Variants in CLCA2 observed in about 807,000 individuals in gnomAD.
The protein encoded by CLCA2 is calcium-activated chloride channel regulator 2.
CLCA2 carries 85 observed loss-of-function variants against 82.9 expected under a neutral mutation model. The ratio of observed to expected loss-of-function variants is 1.03; its 90% CI spans 0.86 to 1.23. The LOEUF (loss-of-function observed/expected upper bound fraction) is 1.23, where lower values mean the gene tolerates loss of function less well. CLCA2 is among the 50% of genes most tolerant of loss of function. CLCA2 has a pLI of 0.00. For missense variants in CLCA2, 1,089 were observed against 1,124.8 expected, an observed-to-expected ratio of 0.97 and a Z score of 0.45; for synonymous variants, 421 against 391.7, an observed-to-expected ratio of 1.07 and a Z score of -0.88.
At position 86,426,687 on chromosome 1, in the gene CLCA2, G is replaced by T. The variant is rs1334142; in HGVS notation, c.324+1211G>T. The stretch of plus-strand genomic sequence containing the variant: ...AATTAAAACACTGGGGCTTGAATAA[G>T]GTATGGACTTTGTCCCAAATCTAAC... On this transcript the variant is annotated intron_variant, in intron 2 of 13. Coordinates refer to ENST00000370565, the MANE Select transcript of CLCA2 (RefSeq NM_006536.7). Among the ~76,000 whole-genome samples, 1,140 of 152,252 alleles carry T rather than the reference G, an allele frequency of 7.5e-3. 11 individuals carry two copies. The highest frequency in any genetic ancestry group is 0.026 in the African/African-American group (1,092 of 41,540).
chr1:86,453,584 G>A lies in CLCA2; in HGVS notation c.2371G>A (p.Asp791Asn). ...CCTATCTTGGACAGCACCTGGAGAA[G>A]ACTTTGATCAGGGCCAGGGTAGGTT... ...LTLSWTAPGE[D>N]FDQGQATSYE... Residue 791 changes from aspartate to asparagine, a missense_variant, in exon 13 of 14, where the codon GAC (aspartate) becomes AAC (asparagine). By Grantham distance (23) the Asp-to-Asn change is conservative. Transcript: ENST00000370565. The A allele has an allele frequency of 6.2e-7, 1 of 1,613,998 alleles. No individual in the cohort carries two copies. The highest frequency in any genetic ancestry group is 8.5e-7 in the Non-Finnish European group (1 of 1,179,974).
intron 11 of CLCA2, 148 bp downstream of exon 11, chr1:86,447,926 T>C: frequency 2.5e-6 from 2 of 794,362 alleles, no homozygotes; most frequent in South Asian, 3.8e-5. Flanking sequence ...ATAGAGTCAC[T>C]GATATACTGA....
Position 86,447,531 on chromosome 1 carries a change from G to C in CLCA2, c.1737G>C (p.Leu579=), listed in dbSNP as rs757460239. The C allele has an allele frequency of 1.2e-6, 2 of 1,613,960 alleles. No homozygotes were observed. Among genetic ancestry groups the C allele is most frequent in the Admixed American group, 3.3e-5 (2 of 59,990 alleles). The change falls in exon 11 of 14, where the codon CTG becomes CTC. Residue 579 remains leucine (L), a synonymous_variant. Transcript: ENST00000370565. ...TAKPGHWTYT[L]NNTHHSLQAL... is the part of the protein sequence containing the mutation. ...AGCCTGGGCACTGGACTTACACCCT[G>C]AACAATACCCATCATTCTCTGCAAG...
At chr1:86,429,001 AAAACGTTG>A (rs1558101565) in intron 3 of CLCA2, among the ~76,000 whole-genome samples, 1 of 152,144 alleles carries the variant, frequency 6.6e-6, no homozygotes, top group African/African-American at 2.4e-5. Context: ...GCAGTGGGAG[AAAACGTTG>A]AAACATACAT....
At chr1:86,439,524 G>A (rs1017567680) in intron 7 of CLCA2, among the ~76,000 whole-genome samples, 4 of 152,048 alleles carry the variant, frequency 2.6e-5, no homozygotes, top group Non-Finnish European at 4.4e-5. Flanking sequence ...ACCAATTAAG[G>A]CAACACATCA....
intron 3 of CLCA2, among the ~76,000 whole-genome samples, chr1:86,429,629 G>C (rs559422992): frequency 6.6e-6 from 1 of 152,152 alleles, no homozygotes; most frequent in Non-Finnish European, 1.5e-5. Flanking sequence ...AGATCTGAGG[G>C]AGAAAATAGT....
chr1:86,455,577 G>T lies in CLCA2; in HGVS notation c.*50G>T. ...CTTAGATATAAGACCCATGGCCTTC[G>T]ACTACAAAAACATACTAACAAAGTC... On this transcript the variant is annotated 3_prime_UTR_variant, in exon 14 of 14. Coordinates refer to ENST00000370565, the MANE Select transcript of CLCA2 (RefSeq NM_006536.7). The T allele has an allele frequency of 1.6e-6, 2 of 1,229,196 alleles. No homozygotes were observed. The highest frequency in any genetic ancestry group is 2.3e-5 in the South Asian group (1 of 43,784). The allele number at this position is 1,229,196 out of a possible 1,614,324, so 76.1% of individuals were successfully genotyped here.
At chr1:86,444,066 C>T in intron 10 of CLCA2, 55 bp downstream of exon 10, 1 of 1,143,498 alleles carries the variant, frequency 8.7e-7, no homozygotes. Flanking sequence ...TTATGATTTT[C>T]AGCTGAATCA....
At chr1:86,454,888 C>CAA (rs71078660) in intron 13 of CLCA2, among the ~76,000 whole-genome samples, 197 bp from the exon 14 acceptor site, 2,709 of 141,924 alleles carry the variant, frequency 0.019, 89 homozygotes, top group African/African-American at 0.066. Context: ...TCTTGCTTTT[C>CAA]AAAAAAAAAA....
chr1:86,452,989 A>G (rs1438703951), intron 12 of CLCA2, among the ~76,000 whole-genome samples: 1 of 152,144 alleles, frequency 6.6e-6, no homozygotes, highest in Non-Finnish European at 1.5e-5. Flanking sequence ...CCTAGCCAAC[A>G]TGGTGAAACC....
Position 86,443,536 on chromosome 1 carries a change from T to C in CLCA2, c.1489-251T>C, listed in dbSNP as rs553975696. The stretch of plus-strand genomic sequence containing the variant: ...AGAGATAATATGAGGACAGCTAACA[T>C]CTTTTAATAAAGAATAATGAAATGA... On this transcript the variant is annotated intron_variant, in intron 9 of 13. Coordinates refer to ENST00000370565, the MANE Select transcript of CLCA2 (RefSeq NM_006536.7). 3.3e-5 allele frequency among the ~76,000 whole-genome samples: 5 copies of C among 152,344 alleles called. No homozygotes were observed. In the East Asian group the frequency reaches 9.6e-4, roughly 29 times the overall value.
intron 4 of CLCA2, among the ~76,000 whole-genome samples, chr1:86,431,321 A>T (rs1162983129): frequency 6.6e-6 from 1 of 152,124 alleles, no homozygotes; most frequent in East Asian, 1.9e-4. Flanking sequence ...ATGAATAGAA[A>T]CATATGTTTT....
chr1:86,440,298 A>C lies in CLCA2; in HGVS notation c.1354A>C (p.Asn452His), dbSNP rs768334665. The C allele has an allele frequency of 2.5e-6, 4 of 1,613,972 alleles. No homozygotes were observed. The highest frequency in any genetic ancestry group is 3.4e-6 in the Non-Finnish European group (4 of 1,179,960). The stretch of plus-strand genomic sequence containing the variant: ...TGCCCTGGGTTCATCTGCAGCCCCA[A>C]ATCTGGAGGAATTATCACGTCTTAC... ...SIALGSSAAP[N>H]LEELSRLTGG... Residue 452 changes from asparagine (N) to histidine (H), a missense_variant, in exon 8 of 14, where the codon AAT becomes CAT. Transcript: ENST00000370565.
rs757555471 is a variant in CLCA2 at position 86,434,700 on chromosome 1, C to A, written c.927C>A (p.Asp309Glu). 8.1e-6 allele frequency: 13 copies of A among 1,613,974 alleles called. No homozygotes were observed. The Admixed American group carries it at 8.3e-5, about 10-fold the overall frequency. Reference protein sequence around the residue: ...PPTFSLVQAGDKVVCLVLDVS... With the variant: ...PPTFSLVQAGEKVVCLVLDVS... The stretch of plus-strand genomic sequence containing the variant: ...CATTCTCGCTTGTACAGGCTGGTGA[C>A]AAAGTGGTCTGTTTAGTGCTGGATG... Residue 309 changes from aspartate to glutamate, a missense_variant, in exon 6 of 14, where the codon GAC becomes GAA. Transcript: ENST00000370565.
intron 5 of CLCA2, 122 bp from the exon 6 acceptor site, chr1:86,434,396 A>AC: frequency 4.1e-6 from 3 of 735,442 alleles, no homozygotes; most frequent in Non-Finnish European, 6.7e-6. Flanking sequence ...ATATCACTGT[A>AC]CCACTTTTGA....
intron 13 of CLCA2, among the ~76,000 whole-genome samples, chr1:86,454,317 C>T (rs1306060667): frequency 6.6e-6 from 1 of 152,104 alleles, no homozygotes; most frequent in Non-Finnish European, 1.5e-5. Flanking sequence ...TCTATTCATG[C>T]ATCAGTAAGT....
intron 6 of CLCA2, among the ~76,000 whole-genome samples, chr1:86,435,932 TA>T (rs34457421): frequency 0.015 from 1,873 of 128,082 alleles, 95 homozygotes; most frequent in East Asian, 0.13. Flanking sequence ...TTTAAATGGT[TA>T]AAAAAAAAAA....
Position 86,453,487 on chromosome 1 carries a change from C to T in CLCA2, c.2274C>T (p.Gly758=), listed in dbSNP as rs1214784521. 3 of 1,613,954 alleles carry T rather than the reference C, an allele frequency of 1.9e-6. No homozygotes were observed. The highest frequency in any genetic ancestry group is 1.3e-5 in the African/African-American group (1 of 74,906). ...GSFSVLGVPA[G]PHPDVFPPCK... is the part of the protein sequence containing the mutation. Reference sequence around the variant, plus strand: ...TTTCAGTGCTGGGAGTTCCAGCTGGCCCCCACCCTGATGTGTTTCCACCAT... The same window carrying T: ...TTTCAGTGCTGGGAGTTCCAGCTGGTCCCCACCCTGATGTGTTTCCACCAT... Residue 758 remains glycine (G), a synonymous_variant, in exon 13 of 14, where the codon GGC becomes GGT. Coordinates refer to ENST00000370565, the MANE Select transcript of CLCA2 (RefSeq NM_006536.7).
intron 3 of CLCA2, among the ~76,000 whole-genome samples, 170 bp downstream of exon 3, chr1:86,428,738 G>A (rs1021778828): frequency 2.6e-5 from 4 of 152,172 alleles, no homozygotes; most frequent in Non-Finnish European, 5.9e-5. Flanking sequence ...AAGTGAACTC[G>A]AAAGAGTTTA....
Sources: allele counts gnomAD v4.1 joint callset (sites outside exome capture counted in the v4.1 genomes callset), GRCh38; gene constraint gnomAD v4.1.1; transcripts MANE v1.5; gene names NCBI Gene and HGNC (gene_info 2026-07-23, HGNC 2026-07-21).